Variants in ANO4 observed in about 807,000 individuals in gnomAD.
ANO4 encodes anoctamin-4.
ANO4 carries 69 observed loss-of-function variants against 141.9 expected under a neutral mutation model. The observed-to-expected ratio is 0.49, with a 90% CI of 0.40 to 0.59. The LOEUF (loss-of-function observed/expected upper bound fraction) is 0.59. Ranked by LOEUF, ANO4 falls within the 20% of genes least tolerant of loss-of-function variation. The probability of loss-of-function intolerance (pLI) is 0.00; values close to 1 mark genes in which losing one functional copy is unlikely to be tolerated. For missense variants in ANO4, 894 were observed against 1,162.2 expected, an observed-to-expected ratio of 0.77 and a Z score of 3.36; for synonymous variants, 350 against 394.3, an observed-to-expected ratio of 0.89 and a Z score of 1.33.
At chr12:101,058,027 A>T (rs2048194798) in intron 14 of ANO4, among the ~76,000 whole-genome samples, 1 of 152,094 alleles carries the variant, frequency 6.6e-6, no homozygotes, top group Non-Finnish European at 1.5e-5. Flanking sequence ...CCGATCTTGA[A>T]TTAATTTTTG....
chr12:101,110,544 G>T lies in ANO4; in HGVS notation c.2290G>T (p.Ala764Ser). 6.3e-7 allele frequency: 1 copy of T among 1,588,872 alleles called. No homozygotes were observed. Among genetic ancestry groups the T allele is most frequent in the Non-Finnish European group, 8.6e-7 (1 of 1,168,964 alleles). ...TQWRRPLASR[A>S]KDIGIWYGIL... is the part of the protein sequence containing the mutation. ...GTGGAGGAGACCTTTAGCTTCAAGGGCCAAAGACATAGGTAAGTTGGATTT... is the reference window on the plus strand; with the variant it reads ...GTGGAGGAGACCTTTAGCTTCAAGGTCCAAAGACATAGGTAAGTTGGATTT... The change falls in exon 23 of 28, where the codon GCC (alanine) becomes TCC (serine). Residue 764 changes from alanine to serine, a missense_variant. Around this residue, in one of 2 missense-constraint regions of ANO4, gnomAD observed 637 missense variants for 909.2 expected, o/e 0.70. Coordinates refer to ENST00000392977, the MANE Select transcript of ANO4 (RefSeq NM_001286615.2).
In ANO4 at chr12:101,110,399, T is replaced by C. The variant is rs765878754; in HGVS notation, c.2150-5T>C. 55 of 1,600,460 alleles carry C rather than the reference T, an allele frequency of 3.4e-5. No individual in the cohort carries two copies. The highest frequency in any genetic ancestry group is 7.0e-5 in the Admixed American group (4 of 57,238). On this transcript the variant is annotated splice_polypyrimidine_tract_variant and splice_region_variant and intron_variant, in intron 22 of 27. Transcript: ENST00000392977. ...CTCTGCTCTTTTTCCTTTTTTCTTT[T>C]CTAGTTCTTCAGTTTGGATTCACAA...
chr12:100,926,630 T>TGTGTGTG (rs2041884274), intron 3 of ANO4, among the ~76,000 whole-genome samples: 22 of 140,350 alleles, frequency 1.6e-4, no homozygotes, highest in African/African-American at 6.3e-4. Context: ...GTGTGTGTGT[T>TGTGTGTG]TGTTTCTTTT....
intron 3 of ANO4, among the ~76,000 whole-genome samples, chr12:100,771,324 C>T (rs76396598): frequency 5.7e-3 from 874 of 152,260 alleles, no homozygotes; most frequent in Non-Finnish European, 9.7e-3. Flanking sequence ...ATAGACCAGA[C>T]GGATCTGTCA....
intron 2 of ANO4, among the ~76,000 whole-genome samples, chr12:100,911,096 C>T (rs192013753): frequency 6.6e-6 from 1 of 152,212 alleles, no homozygotes; most frequent in African/African-American, 2.4e-5. Flanking sequence ...AAAATTATAG[C>T]TACAATATAT....
intron 9 of ANO4, 143 bp from the exon 10 acceptor site, chr12:101,036,952 G>C (rs2047221397): frequency 1.5e-6 from 1 of 652,186 alleles, no homozygotes; most frequent in Non-Finnish European, 2.5e-6. Context: ...CGGCAGCAGA[G>C]CTTTTTTTCT....
intron 1 of ANO4, among the ~76,000 whole-genome samples, chr12:100,810,991 G>A (rs1216020528): frequency 1.3e-5 from 2 of 152,138 alleles, no homozygotes; most frequent in Admixed American, 6.6e-5. Context: ...TACGTAAATG[G>A]TGTCTACTCT....
chr12:100,955,004 G>A (rs1366629899), intron 5 of ANO4, among the ~76,000 whole-genome samples: 1 of 152,158 alleles, frequency 6.6e-6, no homozygotes, highest in Non-Finnish European at 1.5e-5. Flanking sequence ...CACCATAACT[G>A]CCCACAGAGG....
chr12:100,908,139 C>T (rs2040929947), intron 2 of ANO4, among the ~76,000 whole-genome samples: 1 of 152,148 alleles, frequency 6.6e-6, no homozygotes, highest in African/African-American at 2.4e-5. Flanking sequence ...GCGGGTGGAT[C>T]AGCTGAGGTC....
At chr12:101,048,801 T>A (rs1219521007) in intron 14 of ANO4, among the ~76,000 whole-genome samples, 1 of 152,156 alleles carries the variant, frequency 6.6e-6, no homozygotes, top group African/African-American at 2.4e-5. Context: ...TGTACAAAAT[T>A]ACCCCTAAAA....
At chr12:101,097,141 C>T (rs111287162) in intron 19 of ANO4, among the ~76,000 whole-genome samples, 1 of 152,018 alleles carries the variant, frequency 6.6e-6, no homozygotes, top group African/African-American at 2.4e-5. Flanking sequence ...GTGGTAATGT[C>T]GCATGAATTC....
chr12:101,010,051 G>A (rs972669434), intron 8 of ANO4, among the ~76,000 whole-genome samples: 1 of 152,064 alleles, frequency 6.6e-6, no homozygotes, highest in Non-Finnish European at 1.5e-5. Context: ...CCCAGAACTG[G>A]TTTAGCATTC....
In ANO4 at chr12:100,878,699, G is replaced by A. The variant is rs555477562; in HGVS notation, c.-140-22947G>A. Among the ~76,000 whole-genome samples, 6 of 152,256 alleles carry A rather than the reference G, an allele frequency of 3.9e-5. No homozygotes were observed. In the South Asian group the frequency reaches 1.2e-3, roughly 32 times the overall value. ...AATACTAGAATAATCTCCCTAAGGC[G>A]TGCTGTTTTCTGGCTGGAAGTTATT... On this transcript the variant is annotated intron_variant, in intron 1 of 27. Transcript: ENST00000392977.
chr12:100,857,816 A>C (rs2038260859), intron 1 of ANO4, among the ~76,000 whole-genome samples: 1 of 152,180 alleles, frequency 6.6e-6, no homozygotes, highest in Non-Finnish European at 1.5e-5. Flanking sequence ...ATTATAAAAT[A>C]ACCTACATCA....
intron 3 of ANO4, among the ~76,000 whole-genome samples, chr12:100,784,164 G>A (rs1262249774): frequency 6.6e-6 from 1 of 152,126 alleles, no homozygotes; most frequent in African/African-American, 2.4e-5. Flanking sequence ...ATTAATGAAC[G>A]AAGGAATCCA....
chr12:100,813,282 G>A lies in ANO4; in HGVS notation c.-141+18255G>A, dbSNP rs141785857. ...TGCATAGAAAATTGTTTGGACCCAC[G>A]TTATTGCTCAGACAAATGGGTGATC... On this transcript the variant is annotated intron_variant, in intron 1 of 27. Transcript: ENST00000392977. Among the ~76,000 whole-genome samples, 23 of 152,284 alleles carry A rather than the reference G, an allele frequency of 1.5e-4. 1 individual carries two copies. The East Asian group carries it at 4.2e-3, about 28-fold the overall frequency.
chr12:101,066,771 AG>A, intron 14 of ANO4: 1 of 1,002,942 alleles, frequency 1.0e-6, no homozygotes, highest in Non-Finnish European at 1.6e-6. Flanking sequence ...CAGCAGGAGG[AG>A]GACCACAGGA....
chr12:100,806,833 C>T (rs946662432), intron 1 of ANO4, among the ~76,000 whole-genome samples: 1 of 151,872 alleles, frequency 6.6e-6, no homozygotes, highest in Non-Finnish European at 1.5e-5. Flanking sequence ...TAAGCCACTG[C>T]GCTGTCCAGG....
upstream of ANO4, among the ~76,000 whole-genome samples, chr12:100,790,719 A>G (rs2034018143): frequency 1.3e-5 from 2 of 152,108 alleles, 1 homozygote; most frequent in South Asian, 4.1e-4. Context: ...TGATGATCCC[A>G]TAGGATTCTT....
Sources: gnomAD v4.1 joint callset for allele counts (sites outside exome capture counted in the v4.1 genomes callset) on GRCh38, gnomAD v4.1.1 for gene constraint, gnomAD v4.1.1 regional missense constraint, MANE v1.5 for transcripts, NCBI Gene and HGNC (gene_info 2026-07-23, HGNC 2026-07-21) for gene names.